The following DYSF variants were observed in gnomAD, a reference collection of about 807,000 sequenced individuals.
DYSF encodes dysferlin.
In DYSF, 212 loss-of-function variants were observed where a neutral mutation model predicts 274.9. The ratio of observed to expected loss-of-function variants is 0.77; its 90% confidence interval spans 0.69 to 0.86. The LOEUF is 0.86. Ranked by LOEUF, DYSF falls within the 40% of genes least tolerant of loss-of-function variation. The probability of loss-of-function intolerance (pLI) is 0.00; values close to 1 mark genes in which losing one functional copy is unlikely to be tolerated. For synonymous variants in DYSF, 1,091 were observed against 1,078.7 expected (o/e 1.01, Z -0.22); for missense variants, 2,666 against 2,783.2 (o/e 0.96, Z 0.95).
In DYSF at chr2:71,520,183, C is replaced by T. The variant is rs146687581; in HGVS notation, c.1008C>T (p.Asp336=). ...TCTCCTCTCATTGATTGCAGATGGA[C>T]GTGGGCACCATTTACAGAGAGCCCC... is the stretch of plus-strand genomic sequence containing the variant. The part of the protein sequence containing the change: ...TDALLGEFRM[D]VGTIYREPRH... Residue 336 remains aspartate (D), a synonymous_variant, in exon 11 of 56, where the codon GAC becomes GAT. Transcript: ENST00000410020. 422 of 1,614,026 alleles carry T rather than the reference C, an allele frequency of 2.6e-4. No individual in the cohort carries two copies. Among genetic ancestry groups the T allele is most frequent in the Non-Finnish European group, 3.4e-4 (399 of 1,180,020 alleles).
At chr2:71,651,668 C>T (rs530312059) in intron 42 of DYSF, among the ~76,000 whole-genome samples, 48 of 152,200 alleles carry the variant, frequency 3.2e-4, no homozygotes, top group Non-Finnish European at 5.4e-4. Context: ...TTTTATAGAG[C>T]TAGAATTACC....
At chr2:71,638,693 A>T (rs939108169) in intron 41 of DYSF, among the ~76,000 whole-genome samples, 1 of 152,206 alleles carries the variant, frequency 6.6e-6, no homozygotes, top group Middle Eastern at 3.2e-3. Context: ...ATAATGTGCC[A>T]GTGTAAGGAT....
rs2093215036 is a variant in DYSF, at chr2:71,590,108, G to A, written c.3497-103G>A. The A allele has an allele frequency of 3.5e-6, 4 of 1,159,412 alleles. No homozygotes were observed. In the South Asian group the frequency reaches 5.0e-5, roughly 14 times the overall value. 71.8% of individuals were successfully genotyped at this position (1,159,412 alleles called of 1,614,324 possible). On this transcript the variant is annotated intron_variant, in intron 31 of 55. Coordinates refer to ENST00000410020, the MANE Select transcript of DYSF (RefSeq NM_001130987.2). ...GTGGTTTCCCTCATTCAGCCCCTCT[G>A]TCTGCTGCCCTTTCTAGGGACAGAC...
intron 10 of DYSF, 40 bp downstream of exon 10, chr2:71,517,079 T>C: frequency 6.3e-7 from 1 of 1,597,618 alleles, no homozygotes; most frequent in Non-Finnish European, 8.6e-7. Context: ...AGTTCTCACT[T>C]CTCCGTGTTG....
At chr2:71,684,518 G>T (rs1230242064) in intron 55 of DYSF, among the ~76,000 whole-genome samples, 1 of 152,226 alleles carries the variant, frequency 6.6e-6, no homozygotes, top group Non-Finnish European at 1.5e-5. Flanking sequence ...CCACTGGGGA[G>T]TGCTCACTTC....
chr2:71,643,749 C>T (rs1240670179), intron 41 of DYSF, among the ~76,000 whole-genome samples: 1 of 152,316 alleles, frequency 6.6e-6, no homozygotes, highest in Middle Eastern at 3.4e-3. Context: ...AGAGCCTCCG[C>T]CTCTCAACAC....
chr2:71,493,063 T>TA, intron 3 of DYSF, among the ~76,000 whole-genome samples: 1 of 149,482 alleles, frequency 6.7e-6, no homozygotes, highest in African/African-American at 2.5e-5. Flanking sequence ...ATATATATAT[T>TA]TTTTTTGTAG....
At chr2:71,604,816 T>C (rs1158362495) in intron 36 of DYSF, among the ~76,000 whole-genome samples, 1 of 152,090 alleles carries the variant, frequency 6.6e-6, no homozygotes, top group Non-Finnish European at 1.5e-5. Context: ...AGCAGGACAG[T>C]GAGGGTAACT....
At chr2:71,534,975 G>A in intron 14 of DYSF, 46 bp from the exon 15 acceptor site, 1 of 1,605,538 alleles carries the variant, frequency 6.2e-7, no homozygotes, top group Non-Finnish European at 8.5e-7. Context: ...GGAGCCCAGA[G>A]TCCCCATGGA....
At chr2:71,493,871 A>AAAAAAAG (rs2084120114) in intron 3 of DYSF, among the ~76,000 whole-genome samples, 1 of 133,478 alleles carries the variant, frequency 7.5e-6, no homozygotes, top group Non-Finnish European at 1.7e-5. Context: ...AAAAAAAAAA[A>AAAAAAAG]AAAGAAAGAA....
rs138266069 is a variant in DYSF, at chr2:71,518,099, C to T, written c.1002+1060C>T. Among the ~76,000 whole-genome samples the T allele has an allele frequency of 1.3e-3, 205 of 152,162 alleles. 1 individual carries two copies. The highest frequency in any genetic ancestry group is 4.5e-3 in the African/African-American group (188 of 41,524). ...TATGGATCCCTGGGGGAGGGAGAGGCAGTGGAGAGAGGGGAACCCTGCCCC... is the reference window on the plus strand; with the variant it reads ...TATGGATCCCTGGGGGAGGGAGAGGTAGTGGAGAGAGGGGAACCCTGCCCC... On this transcript the variant is annotated intron_variant, in intron 10 of 55. Coordinates refer to ENST00000410020, the MANE Select transcript of DYSF (RefSeq NM_001130987.2).
intron 40 of DYSF, among the ~76,000 whole-genome samples, chr2:71,614,409 T>A (rs2093837948): frequency 6.6e-6 from 1 of 152,234 alleles, no homozygotes; most frequent in African/African-American, 2.4e-5. Context: ...AAGCCCTGTG[T>A]TCCATCTCTC....
intron 13 of DYSF, among the ~76,000 whole-genome samples, chr2:71,527,358 C>A (rs952083465): frequency 6.6e-6 from 1 of 152,192 alleles, no homozygotes; most frequent in African/African-American, 2.4e-5. Flanking sequence ...GCTTCGGCTG[C>A]TGACGTCAAG....
rs1202625802 is a variant in DYSF, at chr2:71,553,104, A to G, written c.1900A>G (p.Ser634Gly). 3.1e-6 allele frequency: 5 copies of G among 1,614,204 alleles called. No individual in the cohort carries two copies. Among genetic ancestry groups the G allele is most frequent in the Non-Finnish European group, 8.5e-7 (1 of 1,180,040 alleles). ...DVDDAIQFEV[S>G]IGNYGNKFDM... ...GGATGATGCCATCCAGTTTGAGGTCAGCATCGGGAACTACGGGAACAAGTT... is the reference window on the plus strand; with the variant it reads ...GGATGATGCCATCCAGTTTGAGGTCGGCATCGGGAACTACGGGAACAAGTT... The change falls in exon 20 of 56, where the codon AGC becomes GGC. Residue 634 changes from serine (S) to glycine (G), a missense_variant. Around this residue, in one of 3 missense-constraint regions of DYSF, gnomAD observed 412 missense variants for 504.0 expected, o/e 0.82. Coordinates refer to ENST00000410020, the MANE Select transcript of DYSF (RefSeq NM_001130987.2).
At chr2:71,647,400 GA>G (rs1210665613) in intron 42 of DYSF, among the ~76,000 whole-genome samples, 1 of 152,106 alleles carries the variant, frequency 6.6e-6, no homozygotes, top group Admixed American at 6.5e-5. Context: ...AATAAAATGA[GA>G]AATTAATAAC....
In DYSF at chr2:71,615,663, C is replaced by A. The variant is rs961153489; in HGVS notation, c.4464+2253C>A. ...TGTCCCTGGCACTCTGAAGGACAGG[C>A]GCTCCAAGGCCAACCCAGGAGGCAG... On this transcript the variant is annotated intron_variant, in intron 40 of 55. Coordinates refer to ENST00000410020, the MANE Select transcript of DYSF (RefSeq NM_001130987.2). The surrounding 1 kb of genome is among the most constrained non-coding windows in gnomAD (Gnocchi z 4.9). Among the ~76,000 whole-genome samples the A allele has an allele frequency of 1.3e-5, 2 of 152,210 alleles. No homozygotes were observed. The highest frequency in any genetic ancestry group is 2.1e-4 in the South Asian group (1 of 4,834).
chr2:71,486,051 AG>A (rs2083332489), intron 3 of DYSF, among the ~76,000 whole-genome samples: 1 of 152,118 alleles, frequency 6.6e-6, no homozygotes, highest in African/African-American at 2.4e-5. Flanking sequence ...GGAAGCAAAC[AG>A]GGACTCAAGG....
Position 71,561,795 on chromosome 2 carries a change from C to G in DYSF, c.2260C>G (p.Leu754Val). Residue 754 changes from leucine (L) to valine (V), a missense_variant, in exon 23 of 56, where the codon CTG becomes GTG. Leu to Val is a conservative substitution (Grantham distance 32). Around this residue, in one of 3 missense-constraint regions of DYSF, gnomAD observed 412 missense variants for 504.0 expected, o/e 0.82. Coordinates refer to ENST00000410020, the MANE Select transcript of DYSF (RefSeq NM_001130987.2). ...CCATGAGACACCCTCTGCCACCCAC[C>G]TGGACCAGTACCTGTACCAGCTGCG... The part of the protein sequence containing the change: ...DIHETPSATH[L>V]DQYLYQLRTH... 1 of 1,614,210 alleles carries G rather than the reference C, an allele frequency of 6.2e-7. No homozygotes were observed. The highest frequency in any genetic ancestry group is 8.5e-7 in the Non-Finnish European group (1 of 1,180,034).
At chr2:71,503,716 C>T (rs1180785984) in intron 4 of DYSF, among the ~76,000 whole-genome samples, 1 of 152,166 alleles carries the variant, frequency 6.6e-6, no homozygotes, top group Admixed American at 6.5e-5. Context: ...TCTGAACCAT[C>T]TGGGTCACAG....
Sources: gnomAD v4.1 joint callset for allele counts (sites outside exome capture counted in the v4.1 genomes callset) on GRCh38, gnomAD v4.1.1 for gene constraint, gnomAD v4.1.1 regional missense constraint, Gnocchi (gnomAD v3.1) non-coding constraint, MANE v1.5 for transcripts, NCBI Gene and HGNC (gene_info 2026-07-23, HGNC 2026-07-21) for gene names.